Variants in ARMCX1 observed in about 807,000 individuals in gnomAD.
ARMCX1 encodes the protein armadillo repeat containing X-linked 1, also known as armadillo repeat-containing X-linked protein 1.
Under a neutral mutation model 15.4 loss-of-function variants are expected in ARMCX1, and 4 were observed. That is an observed-to-expected ratio of 0.26 (90% CI 0.13 to 0.59). ARMCX1 has a LOEUF of 0.59. Ranked by LOEUF, ARMCX1 falls within the 20% of genes least tolerant of loss-of-function variation. The pLI, the probability that ARMCX1 is intolerant of heterozygous loss-of-function variation, is 0.89. For synonymous variants in ARMCX1, 144 were observed against 130.5 expected (o/e 1.10, Z -0.71); for missense variants, 273 against 337.1 (o/e 0.81, Z 1.49).
In ARMCX1 at chrX:101,553,451, G is replaced by A. The variant is rs1935405283; in HGVS notation, c.521G>A (p.Arg174Gln). The change falls in exon 4 of 4, where the codon CGA becomes CAA. Residue 174 changes from arginine (R) to glutamine (Q), a missense_variant. Physicochemically the swap from Arg to Gln is conservative, Grantham distance 43 (BLOSUM62 1). Coordinates refer to ENST00000372829, the MANE Select transcript of ARMCX1 (RefSeq NM_016608.2). Reference sequence around the variant, plus strand: ...AGTGGAAAATCCAAGGGAAAGGCCCGAAGTAAGAGCACCAGGGCTCCAGCT... The same window carrying A: ...AGTGGAAAATCCAAGGGAAAGGCCCAAAGTAAGAGCACCAGGGCTCCAGCT... ...RASGKSKGKARSKSTRAPATT... is the reference protein window; with the variant it reads ...RASGKSKGKAQSKSTRAPATT... 3.3e-6 allele frequency: 4 copies of A among 1,204,076 alleles called. No homozygotes were observed. The highest frequency in any genetic ancestry group is 1.8e-5 in the African/African-American group (1 of 56,898).
Position 101,553,456 on chromosome X carries a change from A to G in ARMCX1, c.526A>G (p.Lys176Glu), listed in dbSNP as rs1199215427. Reference sequence around the variant, plus strand: ...AAAATCCAAGGGAAAGGCCCGAAGTAAGAGCACCAGGGCTCCAGCTACAAC... The same window carrying G: ...AAAATCCAAGGGAAAGGCCCGAAGTGAGAGCACCAGGGCTCCAGCTACAAC... ...SGKSKGKARSKSTRAPATTWP... is the reference protein window; with the variant it reads ...SGKSKGKARSESTRAPATTWP... The change falls in exon 4 of 4, where the codon AAG (lysine) becomes GAG (glutamate). Residue 176 changes from lysine to glutamate, a missense_variant. Physicochemically the swap from Lys to Glu is moderately conservative, Grantham distance 56 (BLOSUM62 1). This residue lies in a region of ARMCX1 where 147 missense variants were observed against 143.5 expected (regional missense o/e 1.02). Coordinates refer to ENST00000372829, the MANE Select transcript of ARMCX1 (RefSeq NM_016608.2). 1.7e-6 allele frequency: 2 copies of G among 1,204,835 alleles called. No individual in the cohort carries two copies. The highest frequency in any genetic ancestry group is 2.2e-6 in the Non-Finnish European group (2 of 892,669).
chrX:101,554,263 A>T lies in ARMCX1; in HGVS notation c.1333A>T (p.Lys445Ter), dbSNP rs1556027520. 2 of 1,188,474 alleles carry T rather than the reference A, an allele frequency of 1.7e-6. No individual in the cohort carries two copies. The highest frequency in any genetic ancestry group is 4.9e-5 in the Admixed American group (2 of 40,431). Residue 445 changes from lysine to a stop codon, truncating the protein, a stop_gained, in exon 4 of 4, where the codon AAA becomes TAA. Transcript: ENST00000372829. LOFTEE classifies it high-confidence loss of function. The stretch of plus-strand genomic sequence containing the variant: ...TCACAATGATCTGGTGGTGAAAGTA[A>T]AAGTCCTGAAAGTATTAACCAAACT... The part of the protein sequence containing the change: ...ANHNDLVVKV[K>*]VLKVLTKL
chrX:101,553,792 A>G lies in ARMCX1; in HGVS notation c.862A>G (p.Ile288Val), dbSNP rs782427731. 3.3e-6 allele frequency: 4 copies of G among 1,211,960 alleles called. No individual in the cohort carries two copies. The highest frequency in any genetic ancestry group is 4.3e-5 in the Admixed American group (2 of 46,073). Residue 288 changes from isoleucine to valine, a missense_variant, in exon 4 of 4, where the codon ATC (isoleucine) becomes GTC (valine). Coordinates refer to ENST00000372829, the MANE Select transcript of ARMCX1 (RefSeq NM_016608.2). ...AENQGKIKTY[I>V]SQVCDDTMVC... ...AAATCAGGGCAAGATTAAGACGTACATCAGTCAAGTGTGTGATGACACCAT... is the reference window on the plus strand; with the variant it reads ...AAATCAGGGCAAGATTAAGACGTACGTCAGTCAAGTGTGTGATGACACCAT...
At chrX:101,551,982 C>T (rs1187753627) in intron 3 of ARMCX1, among the ~76,000 whole-genome samples, 1 of 57,203 alleles carries the variant, frequency 1.7e-5, no homozygotes, top group Admixed American at 2.7e-4. Context: ...GAAATTGCTC[C>T]GGAGCAGAGG....
At position 101,553,296 on chromosome X, in the gene ARMCX1, G is replaced by A; in HGVS notation, c.366G>A (p.Lys122=). 5.0e-6 allele frequency: 6 copies of A among 1,211,236 alleles called. No homozygotes were observed. The highest frequency in any genetic ancestry group is 2.3e-4 in the Middle Eastern group (1 of 4,348). Residue 122 remains lysine, a synonymous_variant, in exon 4 of 4, where the codon AAG becomes AAA. Coordinates refer to ENST00000372829, the MANE Select transcript of ARMCX1 (RefSeq NM_016608.2). ...FNTLKEQASA[K]AGKGARVGTI... ...CGCTGAAGGAACAGGCAAGTGCAAA[G>A]GCAGGCAAAGGGGCTAGGGTGGGTA...
chrX:101,552,017 G>GA (rs1266723944), intron 3 of ARMCX1, among the ~76,000 whole-genome samples: 1 of 49,807 alleles, frequency 2.0e-5, no homozygotes, highest in Non-Finnish European at 3.7e-5. Context: ...ACACGGGGTG[G>GA]GGGGGGGGGG....
Position 101,554,368 on chromosome X carries a change from T to C in ARMCX1, c.*76T>C. On this transcript the variant is annotated 3_prime_UTR_variant, in exon 4 of 4. Transcript: ENST00000372829. ...GATTTGTAAATTCTTTGTTTTTCAT[T>C]GTGCGTATATGGTAAAGAGATCTTT... 1 of 975,883 alleles carries C rather than the reference T, an allele frequency of 1.0e-6. No homozygotes were observed. Among genetic ancestry groups the C allele is most frequent in the South Asian group, 2.5e-5 (1 of 40,657 alleles). The allele number at this position is 975,883 out of a possible 1,213,427, so 80.4% of individuals were successfully genotyped here. A position where few individuals can be genotyped will look rare whatever the true frequency, so the allele number is the denominator to read the frequency against.
chrX:101,553,879 G>A lies in ARMCX1; in HGVS notation c.949G>A (p.Val317Met). The A allele has an allele frequency of 1.7e-6, 2 of 1,211,760 alleles. No individual in the cohort carries two copies. Among genetic ancestry groups the A allele is most frequent in the South Asian group, 1.8e-5 (1 of 56,980 alleles). The stretch of plus-strand genomic sequence containing the variant: ...GCTAAGACTGTTAACCAACATGACT[G>A]TGACTAATCATTACCAACATTTGCT... ...AGLRLLTNMT[V>M]TNHYQHLLSY... Residue 317 changes from valine to methionine, a missense_variant, in exon 4 of 4, where the codon GTG (valine) becomes ATG (methionine). This residue lies in a region of ARMCX1 where 126 missense variants were observed against 193.6 expected (regional missense o/e 0.65). Transcript: ENST00000372829.
chrX:101,553,307 G>T lies in ARMCX1; in HGVS notation c.377G>T (p.Gly126Val). The T allele has an allele frequency of 8.3e-7, 1 of 1,209,260 alleles. No individual in the cohort carries two copies. The highest frequency in any genetic ancestry group is 1.7e-5 in the African/African-American group (1 of 57,753). The change falls in exon 4 of 4, where the codon GGG becomes GTG. Residue 126 changes from glycine to valine, a missense_variant. By Grantham distance (109) the Gly-to-Val change is moderately radical. This residue lies in a region of ARMCX1 where 147 missense variants were observed against 143.5 expected (regional missense o/e 1.02). Transcript: ENST00000372829. Reference sequence around the variant, plus strand: ...CAGGCAAGTGCAAAGGCAGGCAAAGGGGCTAGGGTGGGTACCATCTCTGGG... The same window carrying T: ...CAGGCAAGTGCAAAGGCAGGCAAAGTGGCTAGGGTGGGTACCATCTCTGGG... ...KEQASAKAGK[G>V]ARVGTISGNR...
In ARMCX1 at chrX:101,553,271, C is replaced by T. The variant is rs370404366; in HGVS notation, c.341C>T (p.Thr114Met). ...GCCAAGGCCAAGGCCCTTTTCAACA[C>T]GCTGAAGGAACAGGCAAGTGCAAAG... ...LEAKAKALFN[T>M]LKEQASAKAG... is the part of the protein sequence containing the mutation. The change falls in exon 4 of 4, where the codon ACG (threonine) becomes ATG (methionine). Residue 114 changes from threonine (T) to methionine (M), a missense_variant. Thr to Met is a moderately conservative substitution (Grantham distance 81). Around this residue, in one of 2 missense-constraint regions of ARMCX1, gnomAD observed 147 missense variants for 143.5 expected, o/e 1.02. Transcript: ENST00000372829. 18 of 1,210,262 alleles carry T rather than the reference C, an allele frequency of 1.5e-5. No homozygotes were observed. The highest frequency in any genetic ancestry group is 1.9e-5 in the Non-Finnish European group (17 of 895,287).
Position 101,554,154 on chromosome X carries a change from C to G in ARMCX1, c.1224C>G (p.Ser408=). 2.5e-6 allele frequency: 3 copies of G among 1,210,630 alleles called. No homozygotes were observed. The highest frequency in any genetic ancestry group is 3.4e-6 in the Non-Finnish European group (3 of 895,121). The change falls in exon 4 of 4, where the codon TCC becomes TCG. Residue 408 remains serine, a synonymous_variant. Transcript: ENST00000372829. ...TAAAAAATGAAGGGCTCGCATCATC[C>G]AGGAAAGAATTCAGCAGAAGTTCAC... ...DNIKNEGLAS[S]RKEFSRSSLF...
Position 101,552,958 on chromosome X carries a change from G to C in ARMCX1, c.28G>C (p.Val10Leu). 2.5e-6 allele frequency: 3 copies of C among 1,210,662 alleles called. No homozygotes were observed. The highest frequency in any genetic ancestry group is 3.4e-6 in the Non-Finnish European group (3 of 895,010). Residue 10 changes from valine (V) to leucine (L), a missense_variant, in exon 4 of 4, where the codon GTG becomes CTG. By Grantham distance (32) the Val-to-Leu change is conservative. Around this residue, in one of 2 missense-constraint regions of ARMCX1, gnomAD observed 147 missense variants for 143.5 expected, o/e 1.02. Transcript: ENST00000372829. ...GGGCCGCACTCGGGAAGCTGGCTGC[G>C]TGGCCGCTGGTGTGGTTATCGGGGC... MGRTREAGCVAAGVVIGAGA... is the reference protein window; with the variant it reads MGRTREAGCLAAGVVIGAGA...
chrX:101,553,253 C>T lies in ARMCX1; in HGVS notation c.323C>T (p.Ala108Val). The change falls in exon 4 of 4, where the codon GCC (alanine) becomes GTC (valine). Residue 108 changes from alanine (A) to valine (V), a missense_variant. Around this residue, in one of 2 missense-constraint regions of ARMCX1, gnomAD observed 147 missense variants for 143.5 expected, o/e 1.02. Transcript: ENST00000372829. ...SHSGGGLEAK[A>V]KALFNTLKEQ... is the part of the protein sequence containing the mutation. ...AGCGGAGGTGGCCTAGAGGCCAAGG[C>T]CAAGGCCCTTTTCAACACGCTGAAG... The T allele has an allele frequency of 8.3e-7, 1 of 1,211,929 alleles. No individual in the cohort carries two copies. The highest frequency in any genetic ancestry group is 1.1e-6 in the Non-Finnish European group (1 of 895,539).
Position 101,553,200 on chromosome X carries a change from A to G in ARMCX1, c.270A>G (p.Val90=). The G allele has an allele frequency of 8.2e-7, 1 of 1,212,142 alleles. No individual in the cohort carries two copies. The highest frequency in any genetic ancestry group is 1.1e-6 in the Non-Finnish European group (1 of 895,589). The part of the protein sequence containing the change: ...VSLGLEDCPG[V]KEKAHSGSHS... ...TGGGACTCGAGGATTGTCCGGGTGTAAAAGAGAAGGCCCATTCAGGATCCC... is the reference window on the plus strand; with the variant it reads ...TGGGACTCGAGGATTGTCCGGGTGTGAAAGAGAAGGCCCATTCAGGATCCC... The change falls in exon 4 of 4, where the codon GTA becomes GTG. Residue 90 remains valine (V), a synonymous_variant. Transcript: ENST00000372829.
At chrX:101,552,765 C>G (rs1482118839) in intron 3 of ARMCX1, 44 bp from the exon 4 acceptor site, 14 of 493,383 alleles carry the variant, frequency 2.8e-5, no homozygotes, top group Non-Finnish European at 4.5e-5. Context: ...CGTTCAAAGA[C>G]ACAAAAAGGA....
rs1556027567 is a variant in ARMCX1, at chrX:101,554,541, A to T, written c.*249A>T. The stretch of plus-strand genomic sequence containing the variant: ...AGAAAGAATTTATTGATTTGATCTT[A>T]TTACCTAGATTGAGATTTTTTAATC... On this transcript the variant is annotated 3_prime_UTR_variant, in exon 4 of 4. Coordinates refer to ENST00000372829, the MANE Select transcript of ARMCX1 (RefSeq NM_016608.2). The T allele has an allele frequency of 1.4e-5, 4 of 279,014 alleles. No individual in the cohort carries two copies. The allele number at this position is 279,014 out of a possible 1,213,427, so 23.0% of individuals were successfully genotyped here.
At position 101,554,632 on chromosome X, in the gene ARMCX1, T is replaced by C. The variant is rs1935415302; in HGVS notation, c.*340T>C. 6.7e-6 allele frequency: 1 copy of C among 149,282 alleles called. No individual in the cohort carries two copies. The highest frequency in any genetic ancestry group is 1.4e-5 in the Non-Finnish European group (1 of 70,363). The allele number at this position is 149,282 out of a possible 1,213,427, so 12.3% of individuals were successfully genotyped here. A position where few individuals can be genotyped will look rare whatever the true frequency, so the allele number is the denominator to read the frequency against. On this transcript the variant is annotated 3_prime_UTR_variant, in exon 4 of 4. Coordinates refer to ENST00000372829, the MANE Select transcript of ARMCX1 (RefSeq NM_016608.2). The stretch of plus-strand genomic sequence containing the variant: ...TGCATAAGCTACACTTTTATATTAG[T>C]TTATATTTGTTATTCTAAGACTTGT...
In ARMCX1 at chrX:101,553,321, A is replaced by G. The variant is rs1935403638; in HGVS notation, c.391A>G (p.Thr131Ala). 2 of 1,206,901 alleles carry G rather than the reference A, an allele frequency of 1.7e-6. No homozygotes were observed. The highest frequency in any genetic ancestry group is 2.2e-6 in the Non-Finnish European group (2 of 893,420). The change falls in exon 4 of 4, where the codon ACC becomes GCC. Residue 131 changes from threonine (T) to alanine (A), a missense_variant. Transcript: ENST00000372829. Reference sequence around the variant, plus strand: ...GGCAGGCAAAGGGGCTAGGGTGGGTACCATCTCTGGGAACAGGACCCTTGC... The same window carrying G: ...GGCAGGCAAAGGGGCTAGGGTGGGTGCCATCTCTGGGAACAGGACCCTTGC... ...AKAGKGARVG[T>A]ISGNRTLAPS... is the part of the protein sequence containing the mutation.
In ARMCX1 at chrX:101,553,309, G is replaced by T. The variant is rs1935403355; in HGVS notation, c.379G>T (p.Ala127Ser). ...EQASAKAGKGARVGTISGNRT... is the reference protein window; with the variant it reads ...EQASAKAGKGSRVGTISGNRT... ...GGCAAGTGCAAAGGCAGGCAAAGGG[G>T]CTAGGGTGGGTACCATCTCTGGGAA... is the stretch of plus-strand genomic sequence containing the variant. The change falls in exon 4 of 4, where the codon GCT (alanine) becomes TCT (serine). Residue 127 changes from alanine (A) to serine (S), a missense_variant. Ala to Ser is a moderately conservative substitution (Grantham distance 99). Transcript: ENST00000372829. The T allele has an allele frequency of 8.3e-7, 1 of 1,209,607 alleles. No homozygotes were observed. Among genetic ancestry groups the T allele is most frequent in the Non-Finnish European group, 1.1e-6 (1 of 894,548 alleles).
Sources: allele counts gnomAD v4.1 joint callset (sites outside exome capture counted in the v4.1 genomes callset), GRCh38; gene constraint gnomAD v4.1.1; regional missense constraint gnomAD v4.1.1; transcripts MANE v1.5; gene names NCBI Gene and HGNC (gene_info 2026-07-23, HGNC 2026-07-21).